Variants in CNTNAP2 observed in about 807,000 individuals in gnomAD.
CNTNAP2 encodes the protein contactin-associated protein-like 2.
A neutral mutation model predicts 155.2 loss-of-function variants in CNTNAP2; 98 were observed. The observed-to-expected ratio is 0.63, with a 90% CI of 0.54 to 0.75. The LOEUF is 0.75. Ranked by LOEUF, CNTNAP2 falls within the 30% of genes least tolerant of loss-of-function variation. The pLI is 0.00. For synonymous variants in CNTNAP2, 651 were observed against 631.2 expected (o/e 1.03, Z -0.47); for missense variants, 1,727 against 1,688.1 (o/e 1.02, Z -0.40).
At chr7:146,172,173 G>T (rs1423170896) in intron 1 of CNTNAP2, among the ~76,000 whole-genome samples, 1 of 149,228 alleles carries the variant, frequency 6.7e-6, no homozygotes, top group Non-Finnish European at 1.5e-5. Flanking sequence ...CTTACAATTT[G>T]CTTCTGAAAA....
intron 13 of CNTNAP2, among the ~76,000 whole-genome samples, chr7:147,645,852 C>T (rs975999239): frequency 2.0e-5 from 3 of 152,078 alleles, no homozygotes; most frequent in African/African-American, 7.2e-5. Flanking sequence ...TCAAGAGACA[C>T]TAATTTGAAG....
At chr7:146,682,327 G>A (rs1800519391) in intron 1 of CNTNAP2, among the ~76,000 whole-genome samples, 1 of 152,066 alleles carries the variant, frequency 6.6e-6, no homozygotes, top group African/African-American at 2.4e-5. Flanking sequence ...ATAACGTTCA[G>A]CCAGCAAAGG....
chr7:147,647,335 T>G (rs1795382779), intron 13 of CNTNAP2, among the ~76,000 whole-genome samples: 1 of 151,406 alleles, frequency 6.6e-6, no homozygotes, highest in Non-Finnish European at 1.5e-5. Flanking sequence ...GGGTCAGAGA[T>G]AAAGAGAGAC....
chr7:146,463,373 C>T (rs1013182074), intron 1 of CNTNAP2, among the ~76,000 whole-genome samples: 1 of 152,022 alleles, frequency 6.6e-6, no homozygotes, highest in African/African-American at 2.4e-5. Context: ...CCTGCTACCC[C>T]CATTAGTTCC....
chr7:147,119,606 T>A (rs1004895788), intron 5 of CNTNAP2, among the ~76,000 whole-genome samples: 15 of 152,146 alleles, frequency 9.9e-5, no homozygotes, highest in African/African-American at 3.6e-4. Flanking sequence ...CACACTGATT[T>A]ACCATCACAC....
chr7:148,048,461 C>T (rs1342810693), intron 15 of CNTNAP2, among the ~76,000 whole-genome samples: 1 of 152,106 alleles, frequency 6.6e-6, no homozygotes, highest in Non-Finnish European at 1.5e-5. Flanking sequence ...GACATGTGTG[C>T]TTCTTTGACA....
rs13230399 is a variant in CNTNAP2 at position 146,849,097 on chromosome 7, A to C, written c.402+9193A>C. Among the ~76,000 whole-genome samples the C allele has an allele frequency of 4.8e-3, 727 of 152,298 alleles. 1 individual carries two copies. Among genetic ancestry groups the C allele is most frequent in the Non-Finnish European group, 8.6e-3 (588 of 68,028 alleles). On this transcript the variant is annotated intron_variant, in intron 3 of 23. Coordinates refer to ENST00000361727, the MANE Select transcript of CNTNAP2 (RefSeq NM_014141.6). Reference sequence around the variant, plus strand: ...CACCCAGCAAAAAGCTGACTTTTTAAAATAAAAAAAACTCTGAAATTATAT... The same window carrying C: ...CACCCAGCAAAAAGCTGACTTTTTACAATAAAAAAAACTCTGAAATTATAT...
intron 1 of CNTNAP2, among the ~76,000 whole-genome samples, chr7:146,529,809 A>G (rs1797742432): frequency 6.6e-6 from 1 of 152,092 alleles, no homozygotes; most frequent in Non-Finnish European, 1.5e-5. Flanking sequence ...TACTAAAAAT[A>G]CAAAAACTAG....
At chr7:148,171,130 A>C (rs1346827137) in intron 17 of CNTNAP2, among the ~76,000 whole-genome samples, 1 of 152,192 alleles carries the variant, frequency 6.6e-6, no homozygotes, top group Non-Finnish European at 1.5e-5. Flanking sequence ...CAGTTTCTCC[A>C]TCTGTACAAT....
intron 3 of CNTNAP2, among the ~76,000 whole-genome samples, chr7:146,935,466 C>T (rs570768089): frequency 6.6e-6 from 1 of 152,122 alleles, no homozygotes; most frequent in African/African-American, 2.4e-5. Context: ...TCCCTTTGAC[C>T]CACATCATGT....
At chr7:147,656,702 T>A (rs756681275) in intron 13 of CNTNAP2, among the ~76,000 whole-genome samples, 4 of 152,176 alleles carry the variant, frequency 2.6e-5, no homozygotes, top group Non-Finnish European at 5.9e-5. Flanking sequence ...TGAAAAATTT[T>A]AAATTTTGAA....
At chr7:146,206,810 T>C (rs545176146) in intron 1 of CNTNAP2, among the ~76,000 whole-genome samples, 7 of 152,028 alleles carry the variant, frequency 4.6e-5, no homozygotes, top group Non-Finnish European at 8.8e-5. Flanking sequence ...ATCAACATGA[T>C]GCTGTATGGT....
chr7:146,383,167 A>G (rs184497071), intron 1 of CNTNAP2, among the ~76,000 whole-genome samples: 3 of 152,276 alleles, frequency 2.0e-5, no homozygotes. Context: ...CTGAAATGTA[A>G]AAATAATATG....
At chr7:146,994,207 T>C (rs984954428) in intron 3 of CNTNAP2, among the ~76,000 whole-genome samples, 2 of 151,922 alleles carry the variant, frequency 1.3e-5, no homozygotes, top group Non-Finnish European at 2.9e-5. Flanking sequence ...GTTTTGATTT[T>C]TTTTTAAACA....
chr7:147,463,517 T>C (rs187602032), intron 10 of CNTNAP2, among the ~76,000 whole-genome samples: 1 of 152,250 alleles, frequency 6.6e-6, no homozygotes, highest in Admixed American at 6.5e-5. Context: ...AAAATAGAGA[T>C]AAAACAAAAC....
intron 1 of CNTNAP2, among the ~76,000 whole-genome samples, chr7:146,500,611 G>A (rs991636031): frequency 7.9e-5 from 12 of 152,136 alleles, no homozygotes; most frequent in Admixed American, 2.0e-4. Flanking sequence ...AAGACCAACA[G>A]GGTCAATTTC....
At chr7:146,704,883 A>G (rs1212648527) in intron 1 of CNTNAP2, among the ~76,000 whole-genome samples, 2 of 152,128 alleles carry the variant, frequency 1.3e-5, no homozygotes, top group Non-Finnish European at 2.9e-5. Flanking sequence ...GGCTCTAAAA[A>G]TGGTGGTTAG....
chr7:147,016,411 A>G (rs1307753218), intron 3 of CNTNAP2, among the ~76,000 whole-genome samples: 2 of 152,108 alleles, frequency 1.3e-5, no homozygotes, highest in Non-Finnish European at 2.9e-5. Context: ...CCTCTTGTTC[A>G]TGATAGAGTC....
rs140088630 is a variant in CNTNAP2 at position 146,308,492 on chromosome 7, G to T, written c.97+191519G>T. 6.9e-3 allele frequency among the ~76,000 whole-genome samples: 1,052 copies of T among 152,218 alleles called. 11 individuals carry two copies. The highest frequency in any genetic ancestry group is 0.01 in the Non-Finnish European group (702 of 68,008). On this transcript the variant is annotated intron_variant, in intron 1 of 23. Coordinates refer to ENST00000361727, the MANE Select transcript of CNTNAP2 (RefSeq NM_014141.6). The stretch of plus-strand genomic sequence containing the variant: ...CCCATTACTGCGCATATACCCAAAA[G>T]ATTATAAATCATGCTGCTATGAAGA...
Sources: allele counts gnomAD v4.1 joint callset (sites outside exome capture counted in the v4.1 genomes callset), GRCh38; gene constraint gnomAD v4.1.1; transcripts MANE v1.5; gene names NCBI Gene and HGNC (gene_info 2026-07-23, HGNC 2026-07-21).